The following FCRL3 variants were observed in gnomAD, a reference collection of about 807,000 sequenced individuals.
FCRL3 encodes the protein Fc receptor-like protein 3.
A neutral mutation model predicts 75.0 loss-of-function variants in FCRL3; 89 were observed. That is an observed-to-expected ratio of 1.19 (90% CI 1.00 to 1.42). The LOEUF (loss-of-function observed/expected upper bound fraction) is 1.42, where lower values mean the gene tolerates loss of function less well. Among genes scored for constraint, FCRL3 ranks in the 40% most tolerant of loss-of-function variants. The pLI, the probability that FCRL3 is intolerant of heterozygous loss-of-function variation, is 0.00. For missense variants in FCRL3, 946 were observed against 880.0 expected, an observed-to-expected ratio of 1.07 and a Z score of -0.95; for synonymous variants, 376 against 348.5, an observed-to-expected ratio of 1.08 and a Z score of -0.88.
chr1:157,681,463 A>C (rs1275533446), intron 11 of FCRL3, among the ~76,000 whole-genome samples: 1 of 133,734 alleles, frequency 7.5e-6, no homozygotes, highest in Non-Finnish European at 1.5e-5. Context: ...TCATTATTCA[A>C]TTCCCACCTA....
intron 10 of FCRL3, among the ~76,000 whole-genome samples, chr1:157,688,354 G>A (rs1183210617): frequency 6.6e-6 from 1 of 152,000 alleles, no homozygotes; most frequent in Non-Finnish European, 1.5e-5. Context: ...CATTTCATAA[G>A]GATAAAGTGG....
intron 5 of FCRL3, 69 bp downstream of exon 5, chr1:157,697,590 G>T: frequency 6.5e-7 from 1 of 1,537,784 alleles, no homozygotes; most frequent in Non-Finnish European, 8.8e-7. Flanking sequence ...AATTCCCACT[G>T]ATAAACATCT....
Position 157,697,793 on chromosome 1 carries a change from T to C in FCRL3, c.425A>G (p.Asn142Ser). ...VYYKDGKQLPNSYNLEKITVN... is the reference protein window; with the variant it reads ...VYYKDGKQLPSSYNLEKITVN... ...TGTGATCTTCTCTAAATTATAACTATTAGGAAGCTGTTTTCCATCCTTGTA... is the reference window on the plus strand; with the variant it reads ...TGTGATCTTCTCTAAATTATAACTACTAGGAAGCTGTTTTCCATCCTTGTA... The change falls in exon 5 of 15, where the codon AAT becomes AGT. Residue 142 changes from asparagine (N) to serine (S), a missense_variant. By Grantham distance (46) the Asn-to-Ser change is conservative. Transcript: ENST00000368184. 3 of 1,614,172 alleles carry C rather than the reference T, an allele frequency of 1.9e-6. No homozygotes were observed. Among genetic ancestry groups the C allele is most frequent in the South Asian group, 2.2e-5 (2 of 91,082 alleles).
chr1:157,698,704 TAC>T (rs748547500), intron 3 of FCRL3, 75 bp from the exon 4 acceptor site: 2 of 1,495,786 alleles, frequency 1.3e-6, no homozygotes, highest in Non-Finnish European at 1.8e-6. Flanking sequence ...GAGCCCAACC[TAC>T]AGTCAGGAGT....
chr1:157,679,197 A>G lies in FCRL3; in HGVS notation c.2027-224T>C. ...TCCTCTGTTGGATTCTTCCAAACCCAAATAGAAAAAGTACTGCCCCAAGCA... is the reference window on the plus strand; with the variant it reads ...TCCTCTGTTGGATTCTTCCAAACCCGAATAGAAAAAGTACTGCCCCAAGCA... On this transcript the variant is annotated intron_variant, in intron 13 of 14. Coordinates refer to ENST00000368184, the MANE Select transcript of FCRL3 (RefSeq NM_052939.4). 1.0e-5 allele frequency: 6 copies of G among 595,988 alleles called. No individual in the cohort carries two copies. The South Asian group carries it at 1.2e-4, about 12-fold the overall frequency. 36.9% of individuals were successfully genotyped at this position (595,988 alleles called of 1,614,324 possible). A position where few individuals can be genotyped will look rare whatever the true frequency, so the allele number is the denominator to read the frequency against.
At chr1:157,682,118 A>G (rs1654891725) in intron 11 of FCRL3, among the ~76,000 whole-genome samples, 1 of 152,180 alleles carries the variant, frequency 6.6e-6, no homozygotes, top group South Asian at 2.1e-4. Context: ...AATTTGTTTG[A>G]GTTCATCGTA....
chr1:157,681,233 C>CT (rs200555375), intron 11 of FCRL3, 134 bp from the exon 12 acceptor site: 5,257 of 458,836 alleles, frequency 0.011, 26 homozygotes, highest in Non-Finnish European at 0.015. Flanking sequence ...CTGCTTGGGT[C>CT]TTTTTTTTTA....
In FCRL3 at chr1:157,678,833, T is replaced by C. The variant is rs1254982278; in HGVS notation, c.2082A>G (p.Glu694=). 1.2e-6 allele frequency: 2 copies of C among 1,613,872 alleles called. No homozygotes were observed. Among genetic ancestry groups the C allele is most frequent in the African/African-American group, 1.3e-5 (1 of 74,882 alleles). Residue 694 remains glutamate, a synonymous_variant, in exon 15 of 15, where the codon GAA becomes GAG. Transcript: ENST00000368184. ...EHEELTVLYS[E]LKKTHPDDSA... is the part of the protein sequence containing the mutation. ...AGTCGTCTGGGTGTGTCTTCTTCAG[T>C]TCTGAATAGAGGACTGTAAGTTCCT...
rs2101577522 is a variant in FCRL3 at position 157,676,984 on chromosome 1, G to A, written c.*1726C>T. 7.4e-7 allele frequency: 1 copy of A among 1,351,270 alleles called. No individual in the cohort carries two copies. The highest frequency in any genetic ancestry group is 1.5e-5 in the African/African-American group (1 of 68,008). 83.7% of individuals were successfully genotyped at this position (1,351,270 alleles called of 1,614,324 possible). The stretch of plus-strand genomic sequence containing the variant: ...CAGAATGTATCACATAGAAGACAGA[G>A]ACATTTGCCTCCTCCCTCTTCAAGG... On this transcript the variant is annotated 3_prime_UTR_variant, in exon 15 of 15. Coordinates refer to ENST00000368184, the MANE Select transcript of FCRL3 (RefSeq NM_052939.4).
chr1:157,697,345 G>A lies in FCRL3; in HGVS notation c.639C>T (p.Thr213=). 1.2e-6 allele frequency: 2 copies of A among 1,609,390 alleles called. No homozygotes were observed. The highest frequency in any genetic ancestry group is 2.2e-5 in the East Asian group (1 of 44,848). Reference sequence around the variant, plus strand: ...CATCTGGCCTCTGTGGAGAGAGCTGGGTCTCACAGGTCAGGGTCATGGGAC... The same window carrying A: ...CATCTGGCCTCTGTGGAGAGAGCTGAGTCTCACAGGTCAGGGTCATGGGAC... ...EGSPMTLTCE[T]QLSPQRPDVQ... Residue 213 remains threonine (T), a synonymous_variant, in exon 6 of 15, where the codon ACC becomes ACT. Transcript: ENST00000368184.
rs764021849 is a variant in FCRL3 at position 157,680,724 on chromosome 1, G to T, written c.2004C>A (p.Ile668=). 1.2e-6 allele frequency: 2 copies of T among 1,614,004 alleles called. No individual in the cohort carries two copies. Among genetic ancestry groups the T allele is most frequent in the Non-Finnish European group, 1.7e-6 (2 of 1,179,940 alleles). Reference sequence around the variant, plus strand: ...TACCTGAGTTTTCTTTTGTATGCTGGATGCTCCAGATCTGGGAATAAATCG... The same window carrying T: ...TACCTGAGTTTTCTTTTGTATGCTGTATGCTCCAGATCTGGGAATAAATCG... ...SNPIYSQIWS[I]QHTKENSANC... is the part of the protein sequence containing the mutation. Residue 668 remains isoleucine, a synonymous_variant, in exon 13 of 15, where the codon ATC becomes ATA. Transcript: ENST00000368184.
At chr1:157,690,005 T>G in intron 9 of FCRL3, 88 bp from the exon 10 acceptor site, 1 of 1,564,350 alleles carries the variant, frequency 6.4e-7, no homozygotes, top group Non-Finnish European at 8.8e-7. Flanking sequence ...GTGTTCCAGT[T>G]TCTGATTCCT....
chr1:157,697,482 A>G (rs1473713142), intron 5 of FCRL3, 58 bp from the exon 6 acceptor site: 4 of 1,511,334 alleles, frequency 2.6e-6, no homozygotes, highest in Non-Finnish European at 3.5e-6. Flanking sequence ...TCCTAGAGAG[A>G]TGCATTTGTC....
In FCRL3 at chr1:157,698,534, A is replaced by T. The variant is rs778481094; in HGVS notation, c.148T>A (p.Ser50Thr). 5 of 1,614,150 alleles carry T rather than the reference A, an allele frequency of 3.1e-6. No individual in the cohort carries two copies. Among genetic ancestry groups the T allele is most frequent in the East Asian group, 4.5e-5 (2 of 44,878 alleles). The change falls in exon 4 of 15, where the codon TCC (serine) becomes ACC (threonine). Residue 50 changes from serine to threonine, a missense_variant. Transcript: ENST00000368184. ...CAATATGTGTCTCCCTGGGCTAGGGAATGTGATATGCTGCTGCATATGAGA... is the reference window on the plus strand; with the variant it reads ...CAATATGTGTCTCCCTGGGCTAGGGTATGTGATATGCTGCTGCATATGAGA... ...VALICSSISHSLAQGDTYWYH... is the reference protein window; with the variant it reads ...VALICSSISHTLAQGDTYWYH...
intron 2 of FCRL3, 89 bp downstream of exon 2, chr1:157,700,370 A>G: frequency 1.3e-6 from 2 of 1,591,924 alleles, no homozygotes; most frequent in Admixed American, 1.7e-5. Context: ...CTGAACCCCA[A>G]GTAGAAGCAG....
rs142711385 is a variant in FCRL3 at position 157,689,819 on chromosome 1, C to A, written c.1789G>T (p.Ala597Ser). 2 of 1,614,100 alleles carry A rather than the reference C, an allele frequency of 1.2e-6. No individual in the cohort carries two copies. Among genetic ancestry groups the A allele is most frequent in the Non-Finnish European group, 8.5e-7 (1 of 1,179,998 alleles). The change falls in exon 10 of 15, where the codon GCC becomes TCC. Residue 597 changes from alanine to serine, a missense_variant. Ala to Ser is a moderately conservative substitution (Grantham distance 99). Transcript: ENST00000368184. ...CCACCTGGTTTCCTTCGGGCCCTGG[C>A]GTAATGCAGCAGAGCAGCAGCAGCA... Reference protein sequence around the residue: ...LAAAAALLHYARARRKPGGLS... With the variant: ...LAAAAALLHYSRARRKPGGLS...
rs999701910 is a variant in FCRL3 at position 157,677,296 on chromosome 1, T to C, written c.*1414A>G. On this transcript the variant is annotated 3_prime_UTR_variant, in exon 15 of 15. Transcript: ENST00000368184. ...TGACCCTGTAGTGTATCTCCAGAAA[T>C]GGTGATTGTTTGAATGCATGTAAGA... The C allele has an allele frequency of 1.0e-6, 1 of 988,260 alleles. No individual in the cohort carries two copies. Among genetic ancestry groups the C allele is most frequent in the African/African-American group, 1.7e-5 (1 of 57,370 alleles). The allele number at this position is 988,260 out of a possible 1,614,324, so 61.2% of individuals were successfully genotyped here.
Position 157,692,825 on chromosome 1 carries a change from T to A in FCRL3, c.1412-2292A>T, listed in dbSNP as rs150738599. On this transcript the variant is annotated intron_variant, in intron 8 of 14. Transcript: ENST00000368184. ...TTCTAAACTTATGCTATGGAGATAA[T>A]ATTTTGGAAAATAGTTGTTTAAAAA... Among the ~76,000 whole-genome samples, 527 of 152,332 alleles carry A rather than the reference T, an allele frequency of 3.5e-3. 1 individual carries two copies. The highest frequency in any genetic ancestry group is 0.012 in the African/African-American group (505 of 41,562).
chr1:157,692,611 T>G (rs1417857831), intron 8 of FCRL3, among the ~76,000 whole-genome samples: 3 of 152,220 alleles, frequency 2.0e-5, no homozygotes, highest in Non-Finnish European at 2.9e-5. Flanking sequence ...ACATGAAAGT[T>G]CACTTATTTT....
Sources: gnomAD v4.1 joint callset for allele counts (sites outside exome capture counted in the v4.1 genomes callset) on GRCh38, gnomAD v4.1.1 for gene constraint, MANE v1.5 for transcripts, NCBI Gene and HGNC (gene_info 2026-07-23, HGNC 2026-07-21) for gene names.